The following TLE4 variants were observed in gnomAD, a reference collection of about 807,000 sequenced individuals.
The protein encoded by TLE4 is transducin-like enhancer protein 4.
A neutral mutation model predicts 92.8 loss-of-function variants in TLE4; 8 were observed. That is an observed-to-expected ratio of 0.09 (90% CI 0.05 to 0.16). TLE4 has a LOEUF of 0.16. Among genes scored for constraint, TLE4 ranks in the 10% least tolerant of loss-of-function variants. The pLI is 1.00. For synonymous variants in TLE4, 371 were observed against 374.1 expected, an observed-to-expected ratio of 0.99 and a Z score of 0.10; for missense variants, 675 against 997.6, an observed-to-expected ratio of 0.68 and a Z score of 4.36.
chr9:79,606,184 G>GTTTTTTTTTTTTTTTTT (rs1288414778), intron 4 of TLE4, among the ~76,000 whole-genome samples: 2 of 18,410 alleles, frequency 1.1e-4, no homozygotes, highest in African/African-American at 3.1e-4. Flanking sequence ...AGCAGTAGTA[G>GTTTTTTTTTTTTTTTTT]TTGTTTTTTT....
intron 4 of TLE4, among the ~76,000 whole-genome samples, chr9:79,583,018 C>T (rs994731557): frequency 1.2e-4 from 19 of 152,020 alleles, no homozygotes; most frequent in African/African-American, 4.3e-4. Context: ...GGAAGGGCCT[C>T]AGAAGTTTTA....
intron 4 of TLE4, among the ~76,000 whole-genome samples, chr9:79,608,322 T>C (rs1249084110): frequency 6.6e-6 from 1 of 152,082 alleles, no homozygotes; most frequent in Non-Finnish European, 1.5e-5. Flanking sequence ...GTTTCAGAAG[T>C]TGTACAGTTT....
At chr9:79,662,004 C>T (rs1285807261) in intron 8 of TLE4, among the ~76,000 whole-genome samples, 1 of 152,162 alleles carries the variant, frequency 6.6e-6, no homozygotes, top group Non-Finnish European at 1.5e-5. Context: ...GTAATCCGCT[C>T]ACGTGCGGTC....
chr9:79,581,119 C>T (rs1166730110), intron 4 of TLE4, among the ~76,000 whole-genome samples: 8 of 151,966 alleles, frequency 5.3e-5, no homozygotes, highest in Non-Finnish European at 1.2e-4. Flanking sequence ...GTGTTTTTTC[C>T]CCTTTACCTC....
intron 8 of TLE4, among the ~76,000 whole-genome samples, chr9:79,693,962 G>A (rs957180183): frequency 2.0e-5 from 3 of 152,158 alleles, no homozygotes; most frequent in African/African-American, 7.2e-5. Context: ...TGTTTACTGA[G>A]TAGCGCTGTA....
intron 6 of TLE4, among the ~76,000 whole-genome samples, chr9:79,648,481 C>G (rs1328849961): frequency 6.6e-6 from 1 of 152,188 alleles, no homozygotes; most frequent in East Asian, 1.9e-4. Flanking sequence ...GAAACATAAG[C>G]TGAGCTGAGA....
At chr9:79,648,773 C>T (rs1309599326) in intron 6 of TLE4, among the ~76,000 whole-genome samples, 7 of 152,058 alleles carry the variant, frequency 4.6e-5, no homozygotes, top group Non-Finnish European at 1.0e-4. Flanking sequence ...GTAACTTGAG[C>T]CAGTAGAGGT....
At chr9:79,592,948 C>G (rs2043070502) in intron 4 of TLE4, among the ~76,000 whole-genome samples, 1 of 152,190 alleles carries the variant, frequency 6.6e-6, no homozygotes, top group African/African-American at 2.4e-5. Context: ...ATGAGCTAAA[C>G]ACTGAAATTA....
intron 6 of TLE4, among the ~76,000 whole-genome samples, chr9:79,632,456 CCT>C (rs1459332992): frequency 6.6e-5 from 10 of 152,104 alleles, no homozygotes; most frequent in Admixed American, 5.2e-4. Context: ...GCAGCCAAGC[CCT>C]CTCCCTCCAC....
chr9:79,684,869 A>C, intron 8 of TLE4, among the ~76,000 whole-genome samples: 1 of 152,204 alleles, frequency 6.6e-6, no homozygotes, highest in East Asian at 1.9e-4. Context: ...GAGCCCTACC[A>C]AATGTGGATA....
intron 11 of TLE4, chr9:79,707,142 T>A: frequency 6.2e-7 from 1 of 1,613,060 alleles, no homozygotes; most frequent in African/African-American, 1.3e-5. Context: ...ATGGGGAAAT[T>A]GAGTGAAACA....
chr9:79,720,810 C>G (rs10732691), intron 16 of TLE4, among the ~76,000 whole-genome samples: 111,557 of 151,956 alleles, frequency 0.73, 41,793 homozygotes, highest in South Asian at 0.83. Context: ...TCCCATGGGC[C>G]TATGCACTGT....
intron 1 of TLE4, chr9:79,573,303 C>T (rs947836335): frequency 1.9e-6 from 2 of 1,033,394 alleles, no homozygotes; most frequent in African/African-American, 1.7e-5. Flanking sequence ...CGCCTCCCTC[C>T]TCCCCCGGCC....
chr9:79,707,193 G>C lies in TLE4; in HGVS notation c.936+294G>C, dbSNP rs1303735813. On this transcript the variant is annotated intron_variant, in intron 11 of 19. Transcript: ENST00000376552. The stretch of plus-strand genomic sequence containing the variant: ...GAACAATGCACATTGGGGTTACAGA[G>C]ATGGTTTTGTCGCCTGTGGTTTATG... 3.7e-6 allele frequency: 6 copies of C among 1,612,868 alleles called. No homozygotes were observed. In the South Asian group the frequency reaches 6.6e-5, roughly 18 times the overall value.
intron 6 of TLE4, among the ~76,000 whole-genome samples, chr9:79,648,268 G>A (rs184008310): frequency 2.0e-5 from 3 of 152,308 alleles, no homozygotes; most frequent in Admixed American, 2.0e-4. Flanking sequence ...AGGGAACTGA[G>A]CTAGGTGCCA....
intron 8 of TLE4, among the ~76,000 whole-genome samples, chr9:79,669,620 A>C (rs916690327): frequency 6.6e-6 from 1 of 152,144 alleles, no homozygotes; most frequent in African/African-American, 2.4e-5. Context: ...GGAAGAGGCT[A>C]AGGCTTCCTT....
chr9:79,653,671 T>C (rs1403783770), intron 7 of TLE4, among the ~76,000 whole-genome samples: 1 of 152,202 alleles, frequency 6.6e-6, no homozygotes, highest in African/African-American at 2.4e-5. Flanking sequence ...TGAATTATAA[T>C]ATTAAGTCAG....
chr9:79,587,859 C>T (rs2041532574), intron 4 of TLE4, among the ~76,000 whole-genome samples: 1 of 152,076 alleles, frequency 6.6e-6, no homozygotes. Context: ...TATCGAGTGC[C>T]CACTGGATAC....
chr9:79,673,394 A>G (rs1469961787), intron 8 of TLE4, among the ~76,000 whole-genome samples: 3 of 152,312 alleles, frequency 2.0e-5, no homozygotes, highest in South Asian at 4.1e-4. Context: ...ATGTAACCCA[A>G]TTCCATTAAG....
Sources: allele counts gnomAD v4.1 joint callset (sites outside exome capture counted in the v4.1 genomes callset), GRCh38; gene constraint gnomAD v4.1.1; transcripts MANE v1.5; gene names NCBI Gene and HGNC (gene_info 2026-07-23, HGNC 2026-07-21).